The following PNPT1 variants were observed in gnomAD, a reference collection of about 807,000 sequenced individuals.
The protein encoded by PNPT1 is polyribonucleotide nucleotidyltransferase 1.
In PNPT1, 53 loss-of-function variants were observed where a neutral mutation model predicts 119.5. The ratio of observed to expected loss-of-function variants is 0.44; its 90% CI spans 0.36 to 0.56. The LOEUF is 0.56. Among genes scored for constraint, PNPT1 ranks in the 20% least tolerant of loss-of-function variants. The pLI, the probability that PNPT1 is intolerant of heterozygous loss-of-function variation, is 0.00. For synonymous variants in PNPT1, 357 were observed against 322.1 expected (o/e 1.11, Z -1.16); for missense variants, 948 against 938.5 (o/e 1.01, Z -0.13).
rs889352211 is a variant in PNPT1, at chr2:55,686,398, G to A, written c.269C>T (p.Pro90Leu). The A allele has an allele frequency of 3.7e-6, 6 of 1,613,620 alleles. No homozygotes were observed. The highest frequency in any genetic ancestry group is 3.3e-4 in the Middle Eastern group (2 of 6,080). Residue 90 changes from proline to leucine, a missense_variant, in exon 3 of 28, where the codon CCT becomes CTT. Physicochemically the swap from Pro to Leu is moderately conservative, Grantham distance 98. Coordinates refer to ENST00000447944, the MANE Select transcript of PNPT1 (RefSeq NM_033109.5). ...CAAAGGCATAAACTGGGAAGGGGAA[G>A]GTTTTGTTTTACTGACCGCTGTGAC... ...VMVTAVSKTK[P>L]SPSQFMPLVV...
chr2:55,650,961 C>A (rs1411404223), intron 18 of PNPT1, among the ~76,000 whole-genome samples: 1 of 147,314 alleles, frequency 6.8e-6, no homozygotes, highest in African/African-American at 2.5e-5. Context: ...ATCAGCCCCC[C>A]GCCCGGCCAG....
At chr2:55,638,131 A>G (rs1035804052) in intron 26 of PNPT1, among the ~76,000 whole-genome samples, 3 of 151,052 alleles carry the variant, frequency 2.0e-5, no homozygotes, top group Non-Finnish European at 2.9e-5. Context: ...GTGAAACCCT[A>G]TCTCTACTAA....
At chr2:55,651,789 A>AT (rs1696216180) in intron 18 of PNPT1, among the ~76,000 whole-genome samples, 2 of 87,844 alleles carry the variant, frequency 2.3e-5, no homozygotes, top group Non-Finnish European at 5.6e-5. Context: ...AAAAAAAAAA[A>AT]TTAAAAAAAA....
At chr2:55,671,171 G>A (rs1024520789) in intron 11 of PNPT1, 148 bp downstream of exon 11, 14 of 452,182 alleles carry the variant, frequency 3.1e-5, no homozygotes, top group Non-Finnish European at 5.5e-5. Flanking sequence ...AACAGCAGCT[G>A]TAAAGTTGAA....
intron 1 of PNPT1, among the ~76,000 whole-genome samples, chr2:55,691,866 A>AT (rs1697614927): frequency 1.3e-5 from 1 of 77,294 alleles, no homozygotes; most frequent in Non-Finnish European, 2.4e-5. Flanking sequence ...ATATATATAT[A>AT]TATATATATA....
At chr2:55,659,103 T>C (rs1354523248) in intron 15 of PNPT1, among the ~76,000 whole-genome samples, 1 of 151,954 alleles carries the variant, frequency 6.6e-6, no homozygotes, top group East Asian at 1.9e-4. Flanking sequence ...TATAGGCACA[T>C]GCCACCATGC....
intron 11 of PNPT1, among the ~76,000 whole-genome samples, 198 bp from the exon 12 acceptor site, chr2:55,668,156 C>T (rs1696798195): frequency 6.6e-6 from 1 of 152,240 alleles, no homozygotes; most frequent in South Asian, 2.1e-4. Context: ...CCAAGTACTA[C>T]AACTGTGTTG....
chr2:55,686,084 G>A (rs1418265008), intron 3 of PNPT1, among the ~76,000 whole-genome samples: 1 of 152,182 alleles, frequency 6.6e-6, no homozygotes, highest in South Asian at 2.1e-4. Context: ...GGGAAACTAT[G>A]AGGGCAATGA....
intron 1 of PNPT1, among the ~76,000 whole-genome samples, chr2:55,691,156 A>G (rs909122416): frequency 1.3e-5 from 2 of 152,236 alleles, no homozygotes; most frequent in Non-Finnish European, 2.9e-5. Context: ...TGTGAAAGCT[A>G]CAGTTCTACT....
intron 18 of PNPT1, among the ~76,000 whole-genome samples, chr2:55,651,885 CAAAA>C: frequency 1.8e-4 from 22 of 119,756 alleles, no homozygotes; most frequent in Admixed American, 4.3e-4. Context: ...AAAGGAAAGT[CAAAA>C]AAAAAAAAAA....
chr2:55,666,232 G>C (rs558902044), intron 13 of PNPT1, among the ~76,000 whole-genome samples: 13 of 152,284 alleles, frequency 8.5e-5, no homozygotes, highest in Non-Finnish European at 1.6e-4. Context: ...AACTCTTGGA[G>C]GTAACTGATA....
Position 55,653,307 on chromosome 2 carries a change from C to T in PNPT1, c.1495+1593G>A, listed in dbSNP as rs146960000. ...TCTGTCCTTGGGATACTAGTCTCCA[C>T]GATTTCTCAATGACTGCCATCATAC... is the stretch of plus-strand genomic sequence containing the variant. On this transcript the variant is annotated intron_variant, in intron 18 of 27. Transcript: ENST00000447944. Among the ~76,000 whole-genome samples, 544 of 152,286 alleles carry T rather than the reference C, an allele frequency of 3.6e-3. 3 individuals carry two copies. Among genetic ancestry groups the T allele is most frequent in the African/African-American group, 0.011 (454 of 41,560 alleles).
At chr2:55,640,773 C>T (rs1286701711) in intron 25 of PNPT1, 68 bp from the exon 26 acceptor site, 2 of 1,060,112 alleles carry the variant, frequency 1.9e-6, no homozygotes, top group Admixed American at 4.6e-5. Context: ...ACAAATAAAA[C>T]ATTGTTTTCA....
rs1697223377 is a variant in PNPT1, at chr2:55,680,763, A to T, written c.518-4T>A. The T allele has an allele frequency of 6.2e-7, 1 of 1,613,366 alleles. No homozygotes were observed. The highest frequency in any genetic ancestry group is 1.1e-5 in the South Asian group (1 of 90,920). On this transcript the variant is annotated splice_region_variant and splice_polypyrimidine_tract_variant and intron_variant, in intron 6 of 27. Transcript: ENST00000447944. ...GATAATGAGAGGGCTACGGAAGCTT[A>T]AAAAAGGAGAAAAATCAGGGCCGAA...
chr2:55,662,681 G>C (rs1696615505), intron 13 of PNPT1, among the ~76,000 whole-genome samples: 2 of 151,886 alleles, frequency 1.3e-5, no homozygotes, highest in Admixed American at 1.3e-4. Context: ...CTCAGAAAAA[G>C]AAGAAAAGAA....
rs139811313 is a variant in PNPT1, at chr2:55,687,993, A to AT, written c.162-289dup. 0.014 allele frequency among the ~76,000 whole-genome samples: 2,042 copies of AT among 145,040 alleles called. 25 individuals carry two copies. Among genetic ancestry groups the AT allele is most frequent in the East Asian group, 0.053 (257 of 4,880 alleles). ...AAATGTTAATTCCCATGTACCATCT[A>AT]TTTTTTTTTTGAGGTGGGGGGTGGT... On this transcript the variant is annotated intron_variant, in intron 1 of 27. Transcript: ENST00000447944.
chr2:55,684,466 A>G (rs906822594), intron 4 of PNPT1, among the ~76,000 whole-genome samples: 1 of 152,236 alleles, frequency 6.6e-6, no homozygotes, highest in African/African-American at 2.4e-5. Context: ...TCTGTCTCAA[A>G]AAAAAGCAAT....
intron 23 of PNPT1, 137 bp downstream of exon 23, chr2:55,644,500 C>T (rs139431787): frequency 7.4e-6 from 4 of 541,422 alleles, no homozygotes; most frequent in East Asian, 3.1e-5. Flanking sequence ...AGTCAAGACA[C>T]GTCATATCCT....
intron 8 of PNPT1, among the ~76,000 whole-genome samples, chr2:55,674,319 C>T (rs979059790): frequency 1.3e-5 from 2 of 152,064 alleles, no homozygotes; most frequent in Non-Finnish European, 2.9e-5. Context: ...AGAGGCTGAG[C>T]GTGGTGGCTC....
Sources: gnomAD v4.1 joint callset for allele counts (sites outside exome capture counted in the v4.1 genomes callset) on GRCh38, gnomAD v4.1.1 for gene constraint, MANE v1.5 for transcripts, NCBI Gene and HGNC (gene_info 2026-07-23, HGNC 2026-07-21) for gene names.